Variants in BCHE observed in about 807,000 individuals in gnomAD.
BCHE encodes butyrylcholinesterase.
A neutral mutation model predicts 51.3 loss-of-function variants in BCHE; 48 were observed. The ratio of observed to expected loss-of-function variants is 0.94; its 90% CI spans 0.74 to 1.19. The LOEUF is 1.19. BCHE is among the 50% of genes most tolerant of loss of function. The pLI is 0.00. For synonymous variants in BCHE, 251 were observed against 238.0 expected (o/e 1.05, Z -0.50); for missense variants, 847 against 708.2 (o/e 1.20, Z -2.23).
intron 1 of BCHE, among the ~76,000 whole-genome samples, chr3:165,835,287 G>GTCC (rs888227095): frequency 2.0e-5 from 3 of 151,674 alleles, no homozygotes; most frequent in African/African-American, 7.2e-5. Flanking sequence ...ACTATAAGAT[G>GTCC]TGAGTGTGAT....
chr3:165,808,116 T>G (rs1713937526), intron 2 of BCHE, among the ~76,000 whole-genome samples: 2 of 152,070 alleles, frequency 1.3e-5, no homozygotes, highest in African/African-American at 4.8e-5. Flanking sequence ...CCCGAGTAGC[T>G]GGGACTACAG....
chr3:165,806,400 T>C (rs1345366721), intron 2 of BCHE, among the ~76,000 whole-genome samples: 1 of 152,178 alleles, frequency 6.6e-6, no homozygotes, highest in Non-Finnish European at 1.5e-5. Context: ...CCCAAGCCTG[T>C]AGTTAATCAT....
chr3:165,830,433 A>C lies in BCHE; in HGVS notation c.601T>G (p.Leu201Val), dbSNP rs766971452. The change falls in exon 2 of 4, where the codon TTG (leucine) becomes GTG (valine). Residue 201 changes from leucine (L) to valine (V), a missense_variant. Physicochemically the swap from Leu to Val is conservative, Grantham distance 32 (BLOSUM62 1). Coordinates refer to ENST00000264381, the MANE Select transcript of BCHE (RefSeq NM_000055.4). ...TTTTTTTGAACCCACTGAAGAGCCA[A>C]CTGTTGATCAAATAAACCCATGTTC... ...PGNMGLFDQQ[L>V]ALQWVQKNIA... The C allele has an allele frequency of 6.2e-7, 1 of 1,613,816 alleles. No individual in the cohort carries two copies. Among genetic ancestry groups the C allele is most frequent in the Admixed American group, 1.7e-5 (1 of 59,946 alleles).
At chr3:165,836,037 T>C (rs1236831101) in intron 1 of BCHE, among the ~76,000 whole-genome samples, 1 of 151,970 alleles carries the variant, frequency 6.6e-6, no homozygotes, top group African/African-American at 2.4e-5. Context: ...AGATAAGATG[T>C]GACTTGTTTA....
chr3:165,781,327 C>G (rs1712689891), intron 3 of BCHE, among the ~76,000 whole-genome samples: 1 of 150,404 alleles, frequency 6.6e-6, no homozygotes, highest in Non-Finnish European at 1.5e-5. Context: ...GACATGAAAC[C>G]AACCCAAAAG....
In BCHE at chr3:165,772,915, G is replaced by C. The variant is rs144542474; in HGVS notation, c.*467C>G. On this transcript the variant is annotated 3_prime_UTR_variant, in exon 4 of 4. Coordinates refer to ENST00000264381, the MANE Select transcript of BCHE (RefSeq NM_000055.4). ...AACAAAGAGACCAATGATTTTCTGT[G>C]CTTATTTTAATATCTCATATTGACA... The C allele has an allele frequency of 6.1e-3, 926 of 152,134 alleles. 6 individuals are homozygous for C. Among genetic ancestry groups the C allele is most frequent in the African/African-American group, 0.02 (840 of 41,442 alleles). The allele number at this position is 152,134 out of a possible 1,614,324, so 9.4% of individuals were successfully genotyped here. A position where few individuals can be genotyped will look rare whatever the true frequency, so the allele number is the denominator to read the frequency against.
At chr3:165,806,243 C>T (rs74387111) in intron 2 of BCHE, among the ~76,000 whole-genome samples, 4,381 of 152,240 alleles carry the variant, frequency 0.029, 87 homozygotes, top group Middle Eastern at 0.071. Context: ...TTCATGTCTC[C>T]TCACACCTGC....
rs367613093 is a variant in BCHE at position 165,789,906 on chromosome 3, T to C, written c.1518-3595A>G. Among the ~76,000 whole-genome samples, 8 of 152,206 alleles carry C rather than the reference T, an allele frequency of 5.3e-5. No homozygotes were observed. In the East Asian group the frequency reaches 7.7e-4, roughly 15 times the overall value. On this transcript the variant is annotated intron_variant, in intron 2 of 3. Transcript: ENST00000264381. The stretch of plus-strand genomic sequence containing the variant: ...GGTAAGAGATTCAACAAATACAAAA[T>C]AGAAATTCCTTTATCTTGCCATTTT...
chr3:165,813,234 A>C (rs1714176765), intron 2 of BCHE, among the ~76,000 whole-genome samples: 2 of 151,844 alleles, frequency 1.3e-5, no homozygotes, highest in African/African-American at 4.8e-5. Context: ...TATGTAGTTG[A>C]AATCTCTCTA....
intron 3 of BCHE, among the ~76,000 whole-genome samples, chr3:165,779,450 T>A (rs879218654): frequency 6.6e-6 from 1 of 151,918 alleles, no homozygotes; most frequent in Admixed American, 6.6e-5. Flanking sequence ...GAAAGGGTAT[T>A]CAAATAAAAA....
At chr3:165,816,451 CCT>C (rs1388738852) in intron 2 of BCHE, among the ~76,000 whole-genome samples, 7 of 151,836 alleles carry the variant, frequency 4.6e-5, no homozygotes, top group African/African-American at 7.3e-5. Flanking sequence ...CCAGCCATCC[CCT>C]GAGTTGACTT....
chr3:165,825,777 C>T (rs1170093953), intron 2 of BCHE, among the ~76,000 whole-genome samples: 1 of 151,946 alleles, frequency 6.6e-6, no homozygotes, highest in Non-Finnish European at 1.5e-5. Flanking sequence ...TGTTCAATTT[C>T]CACCTATGAA....
intron 2 of BCHE, among the ~76,000 whole-genome samples, chr3:165,828,295 C>G (rs1448772904): frequency 6.6e-6 from 1 of 152,084 alleles, no homozygotes; most frequent in African/African-American, 2.4e-5. Flanking sequence ...AACTCAGAAT[C>G]TTTGGTATTA....
intron 3 of BCHE, among the ~76,000 whole-genome samples, chr3:165,780,029 A>ATAC (rs1362154231): frequency 4.6e-5 from 7 of 152,214 alleles, no homozygotes; most frequent in Admixed American, 3.9e-4. Flanking sequence ...AGGCTATAGT[A>ATAC]ACCAAAACAG....
At chr3:165,801,534 A>G (rs191575834) in intron 2 of BCHE, among the ~76,000 whole-genome samples, 2 of 152,316 alleles carry the variant, frequency 1.3e-5, no homozygotes, top group Non-Finnish European at 2.9e-5. Context: ...GGAACAAAGC[A>G]TATAATATAC....
rs111855062 is a variant in BCHE at position 165,816,434 on chromosome 3, C to T, written c.1517+13083G>A. On this transcript the variant is annotated intron_variant, in intron 2 of 3. Transcript: ENST00000264381. Reference sequence around the variant, plus strand: ...GGCCAATCGAAAACACCTCTACCCTCTCTTGTCCAGCCATCCCCTGAGTTG... The same window carrying T: ...GGCCAATCGAAAACACCTCTACCCTTTCTTGTCCAGCCATCCCCTGAGTTG... 5.3e-5 allele frequency among the ~76,000 whole-genome samples: 8 copies of T among 152,126 alleles called. 1 individual carries two copies. The highest frequency in any genetic ancestry group is 1.9e-4 in the African/African-American group (8 of 41,532).
At position 165,837,382 on chromosome 3, in the gene BCHE, C is replaced by G. The variant is rs1715225070; in HGVS notation, c.-77G>C. 1 of 1,289,668 alleles carries G rather than the reference C, an allele frequency of 7.8e-7. No homozygotes were observed. Among genetic ancestry groups the G allele is most frequent in the African/African-American group, 1.5e-5 (1 of 65,870 alleles). 79.9% of individuals were successfully genotyped at this position (1,289,668 alleles called of 1,614,324 possible). On this transcript the variant is annotated 5_prime_UTR_variant, in exon 1 of 4. Coordinates refer to ENST00000264381, the MANE Select transcript of BCHE (RefSeq NM_000055.4). ...AATCATGTAATACTTCGGGGAAATG[C>G]AGGATGCAGCTGCTGCTCCAGCCTG... is the stretch of plus-strand genomic sequence containing the variant.
At chr3:165,788,778 T>C (rs754558077) in intron 2 of BCHE, among the ~76,000 whole-genome samples, 1 of 152,174 alleles carries the variant, frequency 6.6e-6, no homozygotes, top group Admixed American at 6.5e-5. Context: ...CAGTGAGTGT[T>C]CATTTAACAA....
Position 165,830,203 on chromosome 3 carries a change from C to T in BCHE, c.831G>A (p.Leu277=), listed in dbSNP as rs1714905978. 1.2e-6 allele frequency: 2 copies of T among 1,613,948 alleles called. No individual in the cohort carries two copies. Among genetic ancestry groups the T allele is most frequent in the East Asian group, 4.5e-5 (2 of 44,860 alleles). ...TCTCATTCTCTCTAGAGCAACCAGT[C>T]AATTTAGCTAAGTTCAACGTTCTGT... ...ARNRTLNLAK[L]TGCSRENETE... is the part of the protein sequence containing the mutation. The change falls in exon 2 of 4, where the codon TTG becomes TTA. Residue 277 remains leucine, a synonymous_variant. Coordinates refer to ENST00000264381, the MANE Select transcript of BCHE (RefSeq NM_000055.4).
Sources: allele counts gnomAD v4.1 joint callset (sites outside exome capture counted in the v4.1 genomes callset), GRCh38; gene constraint gnomAD v4.1.1; transcripts MANE v1.5; gene names NCBI Gene and HGNC (gene_info 2026-07-23, HGNC 2026-07-21).